Variants in NALCN observed in about 807,000 individuals in gnomAD.
NALCN encodes the protein sodium leak channel NALCN.
Under a neutral mutation model 225.3 loss-of-function variants are expected in NALCN, and 111 were observed. That is an observed-to-expected ratio of 0.49 (90% CI 0.42 to 0.58). NALCN has a LOEUF of 0.58. Among genes scored for constraint, NALCN ranks in the 20% least tolerant of loss-of-function variants. The probability of loss-of-function intolerance (pLI) is 0.00; values close to 1 mark genes in which losing one functional copy is unlikely to be tolerated. For synonymous variants in NALCN, 764 were observed against 769.0 expected, an observed-to-expected ratio of 0.99 and a Z score of 0.11; for missense variants, 1,378 against 2,202.4, an observed-to-expected ratio of 0.63 and a Z score of 7.49.
At chr13:101,230,824 A>G (rs1314757752) in intron 12 of NALCN, among the ~76,000 whole-genome samples, 1 of 146,782 alleles carries the variant, frequency 6.8e-6, no homozygotes. Flanking sequence ...CTCTCTCTAT[A>G]TATACACGCA....
chr13:101,393,588 G>A (rs891626099), intron 3 of NALCN, among the ~76,000 whole-genome samples: 1 of 152,134 alleles, frequency 6.6e-6, no homozygotes, highest in Admixed American at 6.6e-5. Flanking sequence ...AGGCCGAGGC[G>A]GGCAGATCAC....
At chr13:101,309,102 A>T (rs1298423836) in intron 7 of NALCN, among the ~76,000 whole-genome samples, 1 of 152,186 alleles carries the variant, frequency 6.6e-6, no homozygotes, top group Non-Finnish European at 1.5e-5. Context: ...TGGAGCAATA[A>T]ATTATTTCTC....
At chr13:101,222,108 C>G (rs2040963617) in intron 13 of NALCN, among the ~76,000 whole-genome samples, 1 of 152,172 alleles carries the variant, frequency 6.6e-6, no homozygotes, top group Non-Finnish European at 1.5e-5. Flanking sequence ...ATTAGCCCAA[C>G]TTATGGGAGA....
chr13:101,076,964 A>T (rs1179126434), intron 34 of NALCN, among the ~76,000 whole-genome samples: 1 of 152,122 alleles, frequency 6.6e-6, no homozygotes, highest in Non-Finnish European at 1.5e-5. Context: ...ATCCCCATGT[A>T]TCCTGGGAGG....
At chr13:101,215,884 G>A (rs369433953) in intron 13 of NALCN, among the ~76,000 whole-genome samples, 11 of 152,038 alleles carry the variant, frequency 7.2e-5, no homozygotes, top group African/African-American at 2.4e-4. Context: ...CTAAGAAAAG[G>A]CCAGTACCTC....
chr13:101,222,657 C>T (rs922975401), intron 13 of NALCN, among the ~76,000 whole-genome samples: 1 of 152,114 alleles, frequency 6.6e-6, no homozygotes, highest in Admixed American at 6.5e-5. Context: ...GGCACATCCG[C>T]CCAACAAGCA....
At chr13:101,217,283 T>C (rs745571532) in intron 13 of NALCN, among the ~76,000 whole-genome samples, 4 of 152,216 alleles carry the variant, frequency 2.6e-5, no homozygotes, top group Non-Finnish European at 5.9e-5. Flanking sequence ...TTAGGACCTG[T>C]ACAGGCTGTT....
In NALCN at chr13:101,065,549, T is replaced by C; in HGVS notation, c.4459A>G (p.Thr1487Ala). The C allele has an allele frequency of 6.2e-7, 1 of 1,613,798 alleles. No homozygotes were observed. The highest frequency in any genetic ancestry group is 1.1e-5 in the South Asian group (1 of 91,068). The change falls in exon 40 of 44, where the codon ACG becomes GCG. Residue 1487 changes from threonine to alanine, a missense_variant. Thr to Ala is a moderately conservative substitution (Grantham distance 58). Transcript: ENST00000251127. ...CGCAGCAGGAACTTGACGCGGAACG[T>C]GGGGATCACCCCCTGCGGGGCAGAG... ...VDDKREGVIP[T>A]FRVKFLLRLL...
intron 30 of NALCN, among the ~76,000 whole-genome samples, chr13:101,084,713 C>A (rs2033844554): frequency 6.6e-6 from 1 of 152,158 alleles, no homozygotes; most frequent in African/African-American, 2.4e-5. Context: ...GTACGAATAT[C>A]CGAAGTTATT....
intron 3 of NALCN, among the ~76,000 whole-genome samples, chr13:101,389,998 C>A (rs1040450432): frequency 6.6e-6 from 1 of 152,180 alleles, no homozygotes; most frequent in African/African-American, 2.4e-5. Context: ...AGGAGAATTG[C>A]TTGAACCCAG....
chr13:101,166,692 AC>A (rs1346787457), intron 15 of NALCN, among the ~76,000 whole-genome samples: 1 of 151,668 alleles, frequency 6.6e-6, no homozygotes, highest in East Asian at 1.9e-4. Flanking sequence ...TTGGCTTTTC[AC>A]TCTATTGATT....
chr13:101,176,021 CAGA>C (rs899155585), intron 15 of NALCN, among the ~76,000 whole-genome samples: 7 of 152,152 alleles, frequency 4.6e-5, no homozygotes, highest in African/African-American at 1.2e-4. Flanking sequence ...CATTTAATGG[CAGA>C]AGGAGAACAG....
intron 14 of NALCN, among the ~76,000 whole-genome samples, chr13:101,185,851 T>C (rs1230597649): frequency 6.6e-6 from 1 of 152,220 alleles, no homozygotes; most frequent in Non-Finnish European, 1.5e-5. Flanking sequence ...CTGTTCGGTG[T>C]GAACAAAAGA....
intron 15 of NALCN, among the ~76,000 whole-genome samples, chr13:101,172,161 G>A (rs1566378785): frequency 6.6e-6 from 1 of 152,076 alleles, no homozygotes; most frequent in African/African-American, 2.4e-5. Flanking sequence ...GAAAAATAAT[G>A]GGAAAAGACA....
intron 10 of NALCN, among the ~76,000 whole-genome samples, chr13:101,279,079 A>C (rs2043060932): frequency 6.6e-6 from 1 of 152,080 alleles, no homozygotes; most frequent in Admixed American, 6.6e-5. Flanking sequence ...TCTCTAAAGT[A>C]ATGGAATTTC....
chr13:101,102,539 A>T (rs1467159838), intron 26 of NALCN, among the ~76,000 whole-genome samples: 1 of 152,188 alleles, frequency 6.6e-6, no homozygotes, highest in African/African-American at 2.4e-5. Flanking sequence ...GATTGTGAAC[A>T]ATGAGCCTCT....
chr13:101,076,464 A>T (rs2033259401), intron 34 of NALCN, among the ~76,000 whole-genome samples: 1 of 152,222 alleles, frequency 6.6e-6, no homozygotes, highest in African/African-American at 2.4e-5. Context: ...GCAGGAAGAG[A>T]TGACTGCACT....
At chr13:101,362,949 C>A (rs1466009361) in intron 6 of NALCN, among the ~76,000 whole-genome samples, 1 of 151,848 alleles carries the variant, frequency 6.6e-6, no homozygotes, top group Non-Finnish European at 1.5e-5. Flanking sequence ...CAACAGTGAA[C>A]AATCTGAAAA....
In NALCN at chr13:101,089,217, G is replaced by T. The variant is rs1421732609; in HGVS notation, c.3489+446C>A. ...CCTGCCACAAAATCTTTTTTTCTGT[G>T]AATTAGGATTTTGAAATTTCTACCA... On this transcript the variant is annotated intron_variant, in intron 30 of 43. Transcript: ENST00000251127. This position sits in a 1 kb window ranked among gnomAD's most constrained non-coding sequence, Gnocchi z 4.7. 6.6e-6 allele frequency among the ~76,000 whole-genome samples: 1 copy of T among 152,076 alleles called. No individual in the cohort carries two copies. Among genetic ancestry groups the T allele is most frequent in the Non-Finnish European group, 1.5e-5 (1 of 68,008 alleles).
Sources: gnomAD v4.1 joint callset for allele counts (sites outside exome capture counted in the v4.1 genomes callset) on GRCh38, gnomAD v4.1.1 for gene constraint, Gnocchi (gnomAD v3.1) non-coding constraint, MANE v1.5 for transcripts, NCBI Gene and HGNC (gene_info 2026-07-23, HGNC 2026-07-21) for gene names.